Variants in ENDOD1 observed in about 807,000 individuals in gnomAD.
ENDOD1 encodes endonuclease domain-containing 1 protein.
Under a neutral mutation model 6.5 loss-of-function variants are expected in ENDOD1, and 9 were observed. That is an observed-to-expected ratio of 1.39 (90% confidence interval 0.84 to 2.43). The LOEUF is 2.43. Ranked by LOEUF, ENDOD1 falls within the 30% of genes most tolerant of loss-of-function variation. ENDOD1 has a pLI of 0.00. For missense variants in ENDOD1, 648 were observed against 635.5 expected, an observed-to-expected ratio of 1.02 and a Z score of -0.21; for synonymous variants, 255 against 255.2, an observed-to-expected ratio of 1.00 and a Z score of 0.01.
chr11:95,111,291 A>G (rs1240029884), intron 1 of ENDOD1, among the ~76,000 whole-genome samples: 1 of 152,122 alleles, frequency 6.6e-6, no homozygotes, highest in Non-Finnish European at 1.5e-5. Flanking sequence ...GGGATGCTCT[A>G]GAGTAGAAGT....
At position 95,129,649 on chromosome 11, in the gene ENDOD1, T is replaced by A; in HGVS notation, c.*70T>A. 2.0e-6 allele frequency: 3 copies of A among 1,495,956 alleles called. No individual in the cohort carries two copies. The highest frequency in any genetic ancestry group is 2.7e-6 in the Non-Finnish European group (3 of 1,107,284). The allele number at this position is 1,495,956 out of a possible 1,614,324, so 92.7% of individuals were successfully genotyped here. A position where few individuals can be genotyped will look rare whatever the true frequency, so the allele number is the denominator to read the frequency against. On this transcript the variant is annotated 3_prime_UTR_variant, in exon 2 of 2. Coordinates refer to ENST00000278505, the MANE Select transcript of ENDOD1 (RefSeq NM_015036.3). ...GGAATAGTTTGTCTTTACAATGGGTTTCTGTTCACTGTCAGTTATCATTAT... is the reference window on the plus strand; with the variant it reads ...GGAATAGTTTGTCTTTACAATGGGTATCTGTTCACTGTCAGTTATCATTAT...
chr11:95,126,104 T>C (rs981045311), intron 1 of ENDOD1, among the ~76,000 whole-genome samples: 1 of 152,128 alleles, frequency 6.6e-6, no homozygotes, highest in Non-Finnish European at 1.5e-5. Context: ...GGGGAAGGCA[T>C]GGAGTGAATG....
Position 95,128,809 on chromosome 11 carries a change from A to T in ENDOD1, c.733A>T (p.Ile245Phe). Residue 245 changes from isoleucine to phenylalanine, a missense_variant, in exon 2 of 2, where the codon ATC (isoleucine) becomes TTC (phenylalanine). Physicochemically the swap from Ile to Phe is conservative, Grantham distance 21. Transcript: ENST00000278505. ...TGTCAAGCACACCCGGGACAGTGAC[A>T]TCATAGAAGATGTGATGGTAAAAGA... ...GFVKHTRDSD[I>F]IEDVMVKDLQ... 6.2e-7 allele frequency: 1 copy of T among 1,614,206 alleles called. No individual in the cohort carries two copies. Among genetic ancestry groups the T allele is most frequent in the Non-Finnish European group, 8.5e-7 (1 of 1,180,024 alleles).
At chr11:95,113,355 T>G (rs1187871807) in intron 1 of ENDOD1, among the ~76,000 whole-genome samples, 1 of 152,282 alleles carries the variant, frequency 6.6e-6, no homozygotes, top group East Asian at 1.9e-4. Context: ...TTCTTTCTAT[T>G]TTTTTGTACC....
chr11:95,107,521 C>A (rs1279450219), intron 1 of ENDOD1, among the ~76,000 whole-genome samples: 3 of 152,052 alleles, frequency 2.0e-5, no homozygotes, highest in Non-Finnish European at 4.4e-5. Flanking sequence ...ACAGTCAATG[C>A]TAAGAATAAT....
chr11:95,108,535 A>ACACACACACAC lies in ENDOD1; in HGVS notation c.300+18308_300+18309insCACACACACAC, dbSNP rs1325896470. 1.5e-3 allele frequency among the ~76,000 whole-genome samples: 220 copies of ACACACACACAC among 148,326 alleles called. 2 individuals are homozygous for ACACACACACAC. The highest frequency in any genetic ancestry group is 3.4e-3 in the African/African-American group (138 of 40,622). ...CACACACACACACACACAGACACCC[A>ACACACACACAC]AAAAAAGAAAAAAGAAAAATGAGCA... On this transcript the variant is annotated intron_variant, in intron 1 of 1. Transcript: ENST00000278505.
At chr11:95,092,720 T>G (rs1236380484) in intron 1 of ENDOD1, among the ~76,000 whole-genome samples, 1 of 151,460 alleles carries the variant, frequency 6.6e-6, no homozygotes, top group East Asian at 1.9e-4. Flanking sequence ...GAGGAGGAGG[T>G]GTGAGGTGCA....
intron 1 of ENDOD1, among the ~76,000 whole-genome samples, chr11:95,122,715 T>G (rs11021048): frequency 0.087 from 13,274 of 152,080 alleles, 639 homozygotes; most frequent in Middle Eastern, 0.18. Context: ...TGATGGGGGC[T>G]GGTATACTGA....
At chr11:95,093,207 C>T (rs1415713424) in intron 1 of ENDOD1, among the ~76,000 whole-genome samples, 2 of 152,258 alleles carry the variant, frequency 1.3e-5, no homozygotes, top group Non-Finnish European at 2.9e-5. Flanking sequence ...CATAGCCTAG[C>T]TCCTGTCTCC....
chr11:95,091,994 G>T (rs1447521399), intron 1 of ENDOD1, among the ~76,000 whole-genome samples: 2 of 152,116 alleles, frequency 1.3e-5, no homozygotes. Flanking sequence ...ACTAGCTGTT[G>T]CTATGACCTA....
intron 1 of ENDOD1, among the ~76,000 whole-genome samples, chr11:95,092,378 C>T (rs555282231): frequency 3.0e-4 from 46 of 151,844 alleles, no homozygotes; most frequent in Non-Finnish European, 5.3e-4. Flanking sequence ...AGGAGTGAGT[C>T]GTAAAGGAGC....
At chr11:95,110,783 C>T (rs1160533436) in intron 1 of ENDOD1, among the ~76,000 whole-genome samples, 1 of 152,154 alleles carries the variant, frequency 6.6e-6, no homozygotes, top group Non-Finnish European at 1.5e-5. Flanking sequence ...CTCCATTGTC[C>T]CATGGTGTAG....
chr11:95,121,620 A>G (rs894854075), intron 1 of ENDOD1, among the ~76,000 whole-genome samples: 2 of 152,132 alleles, frequency 1.3e-5, no homozygotes, highest in Admixed American at 6.5e-5. Flanking sequence ...GTTTCCCCTC[A>G]TTTAATTCTG....
intron 1 of ENDOD1, among the ~76,000 whole-genome samples, chr11:95,114,133 CTGAT>C (rs1317491756): frequency 1.3e-5 from 2 of 152,192 alleles, no homozygotes; most frequent in South Asian, 4.2e-4. Flanking sequence ...GATCAATTAA[CTGAT>C]TGATTGATTT....
At chr11:95,092,427 TGGAGACCCTG>T (rs1858939936) in intron 1 of ENDOD1, among the ~76,000 whole-genome samples, 1 of 151,962 alleles carries the variant, frequency 6.6e-6, no homozygotes, top group African/African-American at 2.4e-5. Flanking sequence ...CCAGGTAACA[TGGAGACCCTG>T]GGTGAGATAA....
At chr11:95,117,207 C>T (rs1859219084) in intron 1 of ENDOD1, among the ~76,000 whole-genome samples, 1 of 152,152 alleles carries the variant, frequency 6.6e-6, no homozygotes. Context: ...GTCAGGAGTT[C>T]CAGACCAGCC....
chr11:95,115,906 G>C (rs1241518094), intron 1 of ENDOD1, among the ~76,000 whole-genome samples: 1 of 152,002 alleles, frequency 6.6e-6, no homozygotes, highest in African/African-American at 2.4e-5. Flanking sequence ...TTTTGTTGAG[G>C]ATTTTTGCAT....
At chr11:95,109,137 G>A (rs1218299262) in intron 1 of ENDOD1, among the ~76,000 whole-genome samples, 1 of 152,180 alleles carries the variant, frequency 6.6e-6, no homozygotes, top group Non-Finnish European at 1.5e-5. Flanking sequence ...AGGAAATAGC[G>A]TCTTTGTCCC....
chr11:95,128,671 C>T lies in ENDOD1; in HGVS notation c.595C>T (p.Leu199Phe), dbSNP rs1046312627. 3 of 1,614,172 alleles carry T rather than the reference C, an allele frequency of 1.9e-6. No individual in the cohort carries two copies. The highest frequency in any genetic ancestry group is 2.2e-5 in the South Asian group (2 of 91,078). ...QCGSGEDLYI[L>F]TGTVPSDYRV... ...TGGCAGTGGGGAAGACCTATATATC[C>T]TCACAGGCACAGTGCCCTCAGACTA... Residue 199 changes from leucine to phenylalanine, a missense_variant, in exon 2 of 2, where the codon CTC (leucine) becomes TTC (phenylalanine). Leu to Phe is a conservative substitution (Grantham distance 22). Transcript: ENST00000278505.
Sources: gnomAD v4.1 joint callset for allele counts (sites outside exome capture counted in the v4.1 genomes callset) on GRCh38, gnomAD v4.1.1 for gene constraint, MANE v1.5 for transcripts, NCBI Gene and HGNC (gene_info 2026-07-23, HGNC 2026-07-21) for gene names.